MAGI2: variants seen among roughly 807,000 people sequenced by gnomAD.
MAGI2 encodes membrane associated guanylate kinase, WW and PDZ domain containing 2, also known as membrane-associated guanylate kinase, WW and PDZ domain-containing protein 2.
In MAGI2, 35 loss-of-function variants were observed where a neutral mutation model predicts 133.3. That is an observed-to-expected ratio of 0.26 (90% confidence interval 0.20 to 0.35). The LOEUF (loss-of-function observed/expected upper bound fraction) is 0.35. Among genes scored for constraint, MAGI2 ranks in the 10% least tolerant of loss-of-function variants. MAGI2 has a pLI of 1.00. For missense variants in MAGI2, 1,636 were observed against 1,863.4 expected (o/e 0.88, Z 2.25); for synonymous variants, 729 against 710.6 (o/e 1.03, Z -0.41).
intron 1 of MAGI2, among the ~76,000 whole-genome samples, chr7:79,152,548 T>G (rs575064995): frequency 6.6e-6 from 1 of 152,236 alleles, no homozygotes; most frequent in East Asian, 1.9e-4. Flanking sequence ...ACACAGAAGT[T>G]TTTTTTTACT....
chr7:79,048,051 C>T lies in MAGI2; in HGVS notation c.302-40845G>A, dbSNP rs866256804. On this transcript the variant is annotated intron_variant, in intron 1 of 21. Transcript: ENST00000354212. ...AACACTGTCAAAGCATGGGGCTTTGCTTGGCATGTCCTTTGTTTTAAAGGG... is the reference window on the plus strand; with the variant it reads ...AACACTGTCAAAGCATGGGGCTTTGTTTGGCATGTCCTTTGTTTTAAAGGG... 4.2e-4 allele frequency among the ~76,000 whole-genome samples: 64 copies of T among 152,254 alleles called. 1 individual carries two copies. Among genetic ancestry groups the T allele is most frequent in the Middle Eastern group, 3.4e-3 (1 of 290 alleles).
chr7:78,110,972 G>C (rs1025546813), intron 20 of MAGI2, among the ~76,000 whole-genome samples: 2 of 152,126 alleles, frequency 1.3e-5, no homozygotes, highest in African/African-American at 2.4e-5. Context: ...CATGATCAAG[G>C]TGCATTTCAT....
intron 1 of MAGI2, among the ~76,000 whole-genome samples, chr7:79,057,544 G>A (rs1399994338): frequency 6.6e-6 from 1 of 152,130 alleles, no homozygotes; most frequent in Non-Finnish European, 1.5e-5. Flanking sequence ...GCAGTCTGTT[G>A]CTATCCCTCA....
At chr7:78,913,584 T>G (rs140372870) in intron 2 of MAGI2, among the ~76,000 whole-genome samples, 1 of 152,222 alleles carries the variant, frequency 6.6e-6, no homozygotes, top group Non-Finnish European at 1.5e-5. Context: ...CAGTGAAGAG[T>G]AACTCCTAGA....
Position 78,160,195 on chromosome 7 carries a change from G to T in MAGI2, c.2675C>A (p.Thr892Asn), listed in dbSNP as rs780033666. Residue 892 changes from threonine (T) to asparagine (N), a missense_variant, in exon 16 of 22, where the codon ACC becomes AAC. By Grantham distance (65) the Thr-to-Asn change is moderately conservative (BLOSUM62 0). Transcript: ENST00000354212. ...HHSSPRSDYA[T>N]YTNSNHAAPS... ...GGCAGCGTGGTTGCTGTTGGTGTAG[G>T]TTGCGTAGTCACTGCGTGGAGAGCT... is the stretch of plus-strand genomic sequence containing the variant. The T allele has an allele frequency of 1.2e-6, 2 of 1,612,522 alleles. No individual in the cohort carries two copies. Among genetic ancestry groups the T allele is most frequent in the South Asian group, 2.2e-5 (2 of 90,450 alleles).
chr7:78,297,409 A>AAGTC (rs1381090035), intron 9 of MAGI2, among the ~76,000 whole-genome samples: 1 of 152,104 alleles, frequency 6.6e-6, no homozygotes, highest in Non-Finnish European at 1.5e-5. Context: ...ACCATTGTGG[A>AAGTC]AGTCAGTGTG....
chr7:79,248,347 C>T (rs758494647), intron 1 of MAGI2, among the ~76,000 whole-genome samples: 149 of 152,128 alleles, frequency 9.8e-4, no homozygotes, highest in Non-Finnish European at 1.9e-3. Context: ...TCAATTAACA[C>T]GGAACAACCC....
intron 1 of MAGI2, among the ~76,000 whole-genome samples, chr7:79,182,949 A>G (rs1317994681): frequency 6.6e-6 from 1 of 151,962 alleles, no homozygotes; most frequent in Non-Finnish European, 1.5e-5. Flanking sequence ...GCATAGAAAG[A>G]CAAATATTGC....
intron 3 of MAGI2, among the ~76,000 whole-genome samples, chr7:78,584,459 G>C (rs1231588696): frequency 1.6e-5 from 2 of 128,470 alleles, no homozygotes; most frequent in African/African-American, 2.9e-5. Context: ...AAGAAACAAA[G>C]ACGTTAGACT....
chr7:79,399,374 G>A (rs1053859879), intron 1 of MAGI2, among the ~76,000 whole-genome samples: 5 of 151,774 alleles, frequency 3.3e-5, no homozygotes, highest in East Asian at 3.9e-4. Context: ...GATTACAGGC[G>A]TGAGCCACTG....
chr7:78,967,298 A>G (rs1803400164), intron 2 of MAGI2, among the ~76,000 whole-genome samples: 1 of 151,706 alleles, frequency 6.6e-6, no homozygotes, highest in African/African-American at 2.4e-5. Context: ...TTACTGGGTT[A>G]TTTGTTTATG....
intron 9 of MAGI2, among the ~76,000 whole-genome samples, chr7:78,342,224 T>C (rs1790459156): frequency 6.6e-6 from 1 of 152,134 alleles, no homozygotes; most frequent in African/African-American, 2.4e-5. Flanking sequence ...TCACTGGCCA[T>C]CAGAGAAATG....
chr7:79,333,096 A>T (rs1430392922), intron 1 of MAGI2, among the ~76,000 whole-genome samples: 1 of 152,112 alleles, frequency 6.6e-6, no homozygotes, highest in African/African-American at 2.4e-5. Flanking sequence ...TAATAAATTT[A>T]CTTTAGATAC....
chr7:78,389,178 C>A (rs754132592), intron 6 of MAGI2, among the ~76,000 whole-genome samples: 1 of 152,074 alleles, frequency 6.6e-6, no homozygotes, highest in Admixed American at 6.6e-5. Context: ...TTAATAGAGA[C>A]ACAAATTAGT....
chr7:78,876,320 T>TAAAAAAAA (rs1795417482), intron 2 of MAGI2, among the ~76,000 whole-genome samples: 1 of 18,994 alleles, frequency 5.3e-5, no homozygotes, highest in Non-Finnish European at 1.6e-4. Context: ...AGACTCCGTC[T>TAAAAAAAA]CAAAAAAAAA....
chr7:78,573,365 AATATATATATATATAT>A (rs58739225), intron 3 of MAGI2, among the ~76,000 whole-genome samples: 662 of 29,034 alleles, frequency 0.023, 92 homozygotes, highest in African/African-American at 0.11. Context: ...GAATCCTGGA[AATATATATATATATAT>A]ATATATATAT....
At chr7:79,427,541 C>A (rs1298210107) in intron 1 of MAGI2, among the ~76,000 whole-genome samples, 1 of 151,942 alleles carries the variant, frequency 6.6e-6, no homozygotes, top group Non-Finnish European at 1.5e-5. Context: ...GCATTAGAGT[C>A]CAGCAGAATT....
Position 79,433,242 on chromosome 7 carries a change from G to T in MAGI2, c.301+19778C>A, listed in dbSNP as rs555171519. Among the ~76,000 whole-genome samples the T allele has an allele frequency of 7.2e-5, 11 of 152,186 alleles. No individual in the cohort carries two copies. In the South Asian group the frequency reaches 2.3e-3, roughly 32 times the overall value. ...TCTGACAGGGTACACTTTAAGGCAG[G>T]AGTAGGTGAGAGAAAAATAATTGTT... On this transcript the variant is annotated intron_variant, in intron 1 of 21. Coordinates refer to ENST00000354212, the MANE Select transcript of MAGI2 (RefSeq NM_012301.4).
At chr7:78,193,958 C>A (rs1828477482) in intron 12 of MAGI2, among the ~76,000 whole-genome samples, 1 of 152,148 alleles carries the variant, frequency 6.6e-6, no homozygotes, top group Non-Finnish European at 1.5e-5. Flanking sequence ...AAAGAGTAAG[C>A]AGATTTGAGA....
Sources: gnomAD v4.1 joint callset for allele counts (sites outside exome capture counted in the v4.1 genomes callset) on GRCh38, gnomAD v4.1.1 for gene constraint, MANE v1.5 for transcripts, NCBI Gene and HGNC (gene_info 2026-07-23, HGNC 2026-07-21) for gene names.